LARGE1: variants seen among roughly 807,000 people sequenced by gnomAD.
LARGE1 encodes LARGE xylosyl- and glucuronyltransferase 1.
A neutral mutation model predicts 87.6 loss-of-function variants in LARGE1; 43 were observed. The observed-to-expected ratio is 0.49, with a 90% CI of 0.38 to 0.63. The LOEUF is 0.63. Ranked by LOEUF, LARGE1 falls within the 30% of genes least tolerant of loss-of-function variation. The pLI is 0.00. For missense variants in LARGE1, 802 were observed against 1,000.2 expected, an observed-to-expected ratio of 0.80 and a Z score of 2.67; for synonymous variants, 434 against 394.6, an observed-to-expected ratio of 1.10 and a Z score of -1.18.
At chr22:33,325,920 C>T (rs1490513548) in intron 10 of LARGE1, among the ~76,000 whole-genome samples, 3 of 152,196 alleles carry the variant, frequency 2.0e-5, no homozygotes, top group Admixed American at 6.5e-5. Context: ...GCCCAAGGTG[C>T]TCAGAGAAGC....
intron 6 of LARGE1, among the ~76,000 whole-genome samples, chr22:33,466,236 C>G (rs1420897014): frequency 1.3e-5 from 2 of 152,184 alleles, no homozygotes; most frequent in Non-Finnish European, 2.9e-5. Flanking sequence ...GCTTGAATTT[C>G]TCCTCCTTGG....
chr22:33,220,509 GA>G (rs1003226629), intron 11 of LARGE1, among the ~76,000 whole-genome samples: 1 of 152,030 alleles, frequency 6.6e-6, no homozygotes, highest in African/African-American at 2.4e-5. Context: ...AGTGAAAGGG[GA>G]AAAAAATAGA....
intron 1 of LARGE1, among the ~76,000 whole-genome samples, chr22:33,812,474 G>T (rs1346430462): frequency 1.3e-5 from 2 of 152,186 alleles, no homozygotes; most frequent in African/African-American, 2.4e-5. Flanking sequence ...CTTCATTCAG[G>T]TCTCCTAGGA....
At chr22:33,743,423 G>A (rs1239135119) in intron 2 of LARGE1, among the ~76,000 whole-genome samples, 2 of 151,972 alleles carry the variant, frequency 1.3e-5, no homozygotes, top group African/African-American at 4.8e-5. Context: ...GTCAAAACCT[G>A]GAGTCATCAC....
At chr22:33,448,128 G>A (rs77798353) in intron 6 of LARGE1, among the ~76,000 whole-genome samples, 5,614 of 152,226 alleles carry the variant, frequency 0.037, 145 homozygotes, top group Non-Finnish European at 0.051. Flanking sequence ...TGGTGGGTTC[G>A]CGGTGTTTTC....
intron 1 of LARGE1, among the ~76,000 whole-genome samples, chr22:33,792,102 G>T (rs1219990915): frequency 6.6e-6 from 1 of 152,068 alleles, no homozygotes; most frequent in South Asian, 2.1e-4. Flanking sequence ...ACGTCAATTC[G>T]GTAAAACAGA....
the LARGE1 span, among the ~76,000 whole-genome samples, chr22:33,149,836 T>C: frequency 1.6e-4 from 25 of 152,300 alleles, 1 homozygote; most frequent in South Asian, 5.2e-3. Context: ...TTCTTTCCAG[T>C]CTTTGCATTT....
Position 33,428,439 on chromosome 22 carries a change from G to A in LARGE1, c.892+3722C>T, listed in dbSNP as rs558949266. ...AAGCAATTCTCTGCCTCAGCCTCCCGAGTAGCTGGGATTACAGGCACACAC... is the reference window on the plus strand; with the variant it reads ...AAGCAATTCTCTGCCTCAGCCTCCCAAGTAGCTGGGATTACAGGCACACAC... On this transcript the variant is annotated intron_variant, in intron 7 of 14. Transcript: ENST00000397394. Among the ~76,000 whole-genome samples, 4 of 150,608 alleles carry A rather than the reference G, an allele frequency of 2.7e-5. No homozygotes were observed. In the East Asian group the frequency reaches 8.0e-4, roughly 30 times the overall value.
chr22:33,232,203 G>A (rs946893437), intron 11 of LARGE1, among the ~76,000 whole-genome samples: 1 of 152,174 alleles, frequency 6.6e-6, no homozygotes, highest in Non-Finnish European at 1.5e-5. Flanking sequence ...CTCTCAGCCT[G>A]CAAAACAGAT....
At chr22:33,468,607 G>C (rs900312109) in intron 6 of LARGE1, among the ~76,000 whole-genome samples, 5 of 152,138 alleles carry the variant, frequency 3.3e-5, no homozygotes, top group Non-Finnish European at 7.4e-5. Flanking sequence ...ATATTTCCTA[G>C]GAACACAAGA....
the LARGE1 span, among the ~76,000 whole-genome samples, chr22:33,120,370 C>CTTTCTT: frequency 1.8e-4 from 15 of 83,654 alleles, no homozygotes; most frequent in African/African-American, 3.4e-4. Context: ...TTCTTTCTTT[C>CTTTCTT]TTTCTTTCTT....
At chr22:33,414,573 C>G (rs970628174) in intron 7 of LARGE1, among the ~76,000 whole-genome samples, 1 of 152,170 alleles carries the variant, frequency 6.6e-6, no homozygotes, top group Non-Finnish European at 1.5e-5. Flanking sequence ...GAAAATGCAG[C>G]TGCTGATAAT....
intron 4 of LARGE1, among the ~76,000 whole-genome samples, chr22:33,621,856 G>C (rs1050605807): frequency 1.6e-4 from 24 of 152,176 alleles, no homozygotes; most frequent in African/African-American, 5.6e-4. Context: ...AAACGCACCT[G>C]ACAGCAATAA....
At chr22:33,426,928 T>A (rs1285842173) in intron 7 of LARGE1, among the ~76,000 whole-genome samples, 1 of 152,360 alleles carries the variant, frequency 6.6e-6, no homozygotes, top group Admixed American at 6.5e-5. Context: ...TGGGGTCCCA[T>A]GCAAATAAAC....
intron 11 of LARGE1, among the ~76,000 whole-genome samples, chr22:33,259,000 C>T (rs1451749127): frequency 6.6e-6 from 1 of 151,994 alleles, no homozygotes; most frequent in African/African-American, 2.4e-5. Flanking sequence ...GCCTCAGCCT[C>T]CTGAGTAGCT....
chr22:33,078,678 A>G, the LARGE1 span, among the ~76,000 whole-genome samples: 4 of 152,182 alleles, frequency 2.6e-5, no homozygotes. Context: ...ATTCAACAAC[A>G]TTGAATTAGC....
rs563968795 is a variant in LARGE1, at chr22:33,217,911, A to C, written c.1731-51079T>G. On this transcript the variant is annotated intron_variant, in intron 11 of 11. Coordinates refer to the LARGE1 transcript ENST00000608642. Reference sequence around the variant, plus strand: ...TGGTATTACAGGTGTGAGCCACTGCAACTGGCCTTATCATAACTTTTTTTT... The same window carrying C: ...TGGTATTACAGGTGTGAGCCACTGCCACTGGCCTTATCATAACTTTTTTTT... 2.7e-4 allele frequency among the ~76,000 whole-genome samples: 41 copies of C among 151,754 alleles called. No homozygotes were observed. In the South Asian group the frequency reaches 6.9e-3, roughly 26 times the overall value.
chr22:33,838,704 C>A (rs1161188246), intron 1 of LARGE1, among the ~76,000 whole-genome samples: 1 of 152,186 alleles, frequency 6.6e-6, no homozygotes, highest in Admixed American at 6.5e-5. Context: ...ATCACCACTG[C>A]GTTCTGGAAC....
intron 9 of LARGE1, among the ~76,000 whole-genome samples, chr22:33,354,052 TG>T (rs1714612663): frequency 6.6e-6 from 1 of 152,224 alleles, no homozygotes; most frequent in Non-Finnish European, 1.5e-5. Flanking sequence ...GCAAAGGACA[TG>T]TAAGAGATGG....
Sources: allele counts gnomAD v4.1 joint callset (sites outside exome capture counted in the v4.1 genomes callset), GRCh38; gene constraint gnomAD v4.1.1; transcripts MANE v1.5; gene names NCBI Gene and HGNC (gene_info 2026-07-23, HGNC 2026-07-21).